The following ANKS1B variants were observed in gnomAD, a reference collection of about 807,000 sequenced individuals.
The protein encoded by ANKS1B is ankyrin repeat and sterile alpha motif domain-containing protein 1B.
A neutral mutation model predicts 148.3 loss-of-function variants in ANKS1B; 36 were observed. The observed-to-expected ratio is 0.24, with a 90% CI of 0.19 to 0.32. The LOEUF (loss-of-function observed/expected upper bound fraction) is 0.32, where lower values mean the gene tolerates loss of function less well. ANKS1B is among the 10% of genes least tolerant of loss of function. The probability of loss-of-function intolerance (pLI) is 1.00; values close to 1 mark genes in which losing one functional copy is unlikely to be tolerated. For missense variants in ANKS1B, 1,157 were observed against 1,542.6 expected (o/e 0.75, Z 4.19); for synonymous variants, 542 against 560.8 (o/e 0.97, Z 0.47).
At chr12:99,467,995 A>G (rs1204482844) in intron 10 of ANKS1B, among the ~76,000 whole-genome samples, 1 of 152,230 alleles carries the variant, frequency 6.6e-6, no homozygotes, top group Non-Finnish European at 1.5e-5. Context: ...ATCCTAAGCC[A>G]AAAGAACAAA....
intron 8 of ANKS1B, among the ~76,000 whole-genome samples, chr12:99,692,601 G>A (rs1479405184): frequency 6.6e-6 from 1 of 151,200 alleles, no homozygotes; most frequent in Admixed American, 6.6e-5. Flanking sequence ...AACCCAGGAG[G>A]CAGAGGTTGC....
chr12:99,150,765 C>A (rs973834044), intron 15 of ANKS1B, among the ~76,000 whole-genome samples: 2 of 152,038 alleles, frequency 1.3e-5, no homozygotes, highest in Non-Finnish European at 2.9e-5. Context: ...CTCTATGTTG[C>A]AAACTCAGGG....
intron 14 of ANKS1B, among the ~76,000 whole-genome samples, chr12:99,222,161 T>C (rs1025718906): frequency 2.0e-5 from 3 of 152,288 alleles, no homozygotes; most frequent in African/African-American, 7.2e-5. Flanking sequence ...GAAAAATATA[T>C]TTTTATATTT....
intron 8 of ANKS1B, among the ~76,000 whole-genome samples, chr12:99,741,537 C>T (rs925976700): frequency 5.9e-5 from 9 of 152,108 alleles, no homozygotes; most frequent in Non-Finnish European, 1.2e-4. Flanking sequence ...AAATGTGGCA[C>T]ATATATACCA....
At chr12:99,946,903 G>A (rs549652814) in intron 1 of ANKS1B, among the ~76,000 whole-genome samples, 7 of 152,030 alleles carry the variant, frequency 4.6e-5, no homozygotes, top group African/African-American at 1.2e-4. Context: ...GCAGAACCAC[G>A]ACCCACCAAG....
At chr12:98,880,716 C>T (rs1038922830) in intron 17 of ANKS1B, among the ~76,000 whole-genome samples, 6 of 151,914 alleles carry the variant, frequency 3.9e-5, no homozygotes, top group Non-Finnish European at 7.4e-5. Context: ...TGCAGTGAGC[C>T]GAGATCGCGC....
intron 16 of ANKS1B, among the ~76,000 whole-genome samples, chr12:99,059,794 T>TATATATATATATATATATATATATATAC (rs1212217617): frequency 6.9e-6 from 1 of 144,398 alleles, no homozygotes; most frequent in African/African-American, 2.6e-5. Context: ...AATTCATATA[T>TATATATATATATATATATATATATATAC]ATATATATAT....
chr12:99,675,932 A>T lies in ANKS1B; in HGVS notation c.1129-20722T>A, dbSNP rs1360953755. 2.6e-5 allele frequency among the ~76,000 whole-genome samples: 4 copies of T among 152,232 alleles called. No homozygotes were observed. In the South Asian group the frequency reaches 6.2e-4, roughly 24 times the overall value. On this transcript the variant is annotated intron_variant, in intron 8 of 26. Transcript: ENST00000683438. ...ATGATTCTGTTTCATTTTTATAGTGACTTGTGATAGGGTTTGGCTTTGTCC... is the reference window on the plus strand; with the variant it reads ...ATGATTCTGTTTCATTTTTATAGTGTCTTGTGATAGGGTTTGGCTTTGTCC...
intron 1 of ANKS1B, among the ~76,000 whole-genome samples, chr12:99,921,488 C>T (rs1201549891): frequency 6.6e-6 from 1 of 152,096 alleles, no homozygotes; most frequent in Non-Finnish European, 1.5e-5. Flanking sequence ...CAGGCAACTC[C>T]ACAGACTCTG....
At chr12:99,651,104 A>G (rs908470391) in intron 9 of ANKS1B, among the ~76,000 whole-genome samples, 1 of 152,176 alleles carries the variant, frequency 6.6e-6, no homozygotes, top group Admixed American at 6.5e-5. Context: ...ATAGTACTGT[A>G]CTAATTGTAC....
intron 17 of ANKS1B, among the ~76,000 whole-genome samples, chr12:99,015,685 T>C (rs1442061036): frequency 1.3e-5 from 2 of 152,012 alleles, no homozygotes; most frequent in African/African-American, 2.4e-5. Context: ...GCTAACACGA[T>C]GAAACACCGT....
intron 12 of ANKS1B, among the ~76,000 whole-genome samples, chr12:99,294,844 G>A (rs565847935): frequency 1.7e-4 from 26 of 152,164 alleles, no homozygotes; most frequent in Middle Eastern, 3.4e-3. Context: ...GTAGAGACGG[G>A]GTTTCTCCTT....
chr12:98,850,537 G>A (rs1013163723), intron 17 of ANKS1B, among the ~76,000 whole-genome samples: 27 of 130,630 alleles, frequency 2.1e-4, no homozygotes, highest in African/African-American at 1.8e-4. Context: ...GCGTGATCTC[G>A]GCTCACTGCA....
Position 99,019,362 on chromosome 12 carries a change from G to A in ANKS1B, c.2778+33795C>T, listed in dbSNP as rs190252422. Among the ~76,000 whole-genome samples the A allele has an allele frequency of 1.1e-4, 17 of 152,278 alleles. No homozygotes were observed. The East Asian group carries it at 3.1e-3, about 28-fold the overall frequency. On this transcript the variant is annotated intron_variant, in intron 17 of 26. Transcript: ENST00000683438. The stretch of plus-strand genomic sequence containing the variant: ...AACTCTAAGTAAGTCAATTAAAACT[G>A]TGTAAGAATTTGAAAAGAGGATACA...
intron 10 of ANKS1B, among the ~76,000 whole-genome samples, chr12:99,445,169 T>C (rs2152802247): frequency 6.6e-6 from 1 of 151,962 alleles, no homozygotes; most frequent in East Asian, 1.9e-4. Context: ...AAACCATGAG[T>C]CAATACTGAA....
chr12:99,234,801 C>A (rs2153956229), intron 14 of ANKS1B, among the ~76,000 whole-genome samples: 1 of 152,038 alleles, frequency 6.6e-6, no homozygotes, highest in African/African-American at 2.4e-5. Flanking sequence ...CAACCACACT[C>A]AGTACCCAAA....
At chr12:99,944,313 G>A (rs937827087) in intron 1 of ANKS1B, among the ~76,000 whole-genome samples, 9 of 152,190 alleles carry the variant, frequency 5.9e-5, no homozygotes, top group Middle Eastern at 3.4e-3. Context: ...CCATCTTTTC[G>A]TATCAATCTG....
chr12:99,493,517 G>A (rs2096574249), intron 10 of ANKS1B, among the ~76,000 whole-genome samples: 1 of 151,516 alleles, frequency 6.6e-6, no homozygotes, highest in South Asian at 2.1e-4. Context: ...CGGAGATTAA[G>A]AGAGGCAGAT....
chr12:98,747,748 T>G (rs945363510), intron 26 of ANKS1B, among the ~76,000 whole-genome samples: 7 of 152,240 alleles, frequency 4.6e-5, no homozygotes, highest in Non-Finnish European at 1.0e-4. Flanking sequence ...ATGTGGTATA[T>G]ATACACAACG....
Sources: gnomAD v4.1 joint callset for allele counts (sites outside exome capture counted in the v4.1 genomes callset) on GRCh38, gnomAD v4.1.1 for gene constraint, MANE v1.5 for transcripts, NCBI Gene and HGNC (gene_info 2026-07-23, HGNC 2026-07-21) for gene names.